Variants in COPE observed in about 807,000 individuals in gnomAD.
The protein encoded by COPE is coatomer subunit epsilon.
Under a neutral mutation model 42.1 loss-of-function variants are expected in COPE, and 19 were observed. That is an observed-to-expected ratio of 0.45 (90% CI 0.31 to 0.66). The LOEUF (loss-of-function observed/expected upper bound fraction) is 0.66. Among genes scored for constraint, COPE ranks in the 30% least tolerant of loss-of-function variants. The pLI is 0.05. For synonymous variants in COPE, 195 were observed against 181.3 expected (o/e 1.08, Z -0.60); for missense variants, 402 against 416.1 (o/e 0.97, Z 0.30).
intron 2 of COPE, among the ~76,000 whole-genome samples, chr19:18,912,321 AT>A (rs897286007): frequency 4.2e-4 from 63 of 150,432 alleles, no homozygotes; most frequent in African/African-American, 1.5e-3. Context: ...TTATTTTTTA[AT>A]TTTTTTTTGT....
At chr19:18,908,603 G>A (rs1411822662) in intron 3 of COPE, among the ~76,000 whole-genome samples, 3 of 149,306 alleles carry the variant, frequency 2.0e-5, no homozygotes, top group Non-Finnish European at 4.4e-5. Flanking sequence ...TGCAAGCTCC[G>A]CCTCCCGGGT....
Position 18,899,673 on chromosome 19 carries a change from C to A in COPE, c.*6G>T. On this transcript the variant is annotated 3_prime_UTR_variant, in exon 10 of 10. Transcript: ENST00000262812. Reference sequence around the variant, plus strand: ...GCTTCATGGTCCTGACAGCTCTGGGCCAGCCTCAGGCGCTGGGAGCGTACT... The same window carrying A: ...GCTTCATGGTCCTGACAGCTCTGGGACAGCCTCAGGCGCTGGGAGCGTACT... 1 of 1,613,442 alleles carries A rather than the reference C, an allele frequency of 6.2e-7. No homozygotes were observed. The highest frequency in any genetic ancestry group is 8.5e-7 in the Non-Finnish European group (1 of 1,179,958).
intron 5 of COPE, among the ~76,000 whole-genome samples, chr19:18,905,255 G>A (rs2056747828): frequency 1.3e-5 from 2 of 152,186 alleles, no homozygotes; most frequent in African/African-American, 4.8e-5. Context: ...GGCCCCGCCA[G>A]CCCCACGGCA....
chr19:18,919,297 C>T lies in COPE; in HGVS notation c.52G>A (p.Glu18Lys), dbSNP rs753714578. The T allele has an allele frequency of 6.2e-7, 1 of 1,613,896 alleles. No individual in the cohort carries two copies. ...AAGGCGTTCTTTACGTCGAACAGCTCGTCTACCTCCCCGGAGCCGCCGGAG... is the reference window on the plus strand; with the variant it reads ...AAGGCGTTCTTTACGTCGAACAGCTTGTCTACCTCCCCGGAGCCGCCGGAG... ...PASGGSGEVDELFDVKNAFYI... is the reference protein window; with the variant it reads ...PASGGSGEVDKLFDVKNAFYI... The change falls in exon 1 of 10, where the codon GAG (glutamate) becomes AAG (lysine). Residue 18 changes from glutamate to lysine, a missense_variant. By Grantham distance (56) the Glu-to-Lys change is moderately conservative. Transcript: ENST00000262812.
chr19:18,904,108 G>A (rs887661907), intron 6 of COPE, among the ~76,000 whole-genome samples: 1 of 152,370 alleles, frequency 6.6e-6, no homozygotes, highest in African/African-American at 2.4e-5. Flanking sequence ...TGGGTTTACA[G>A]GTGCATGGCA....
chr19:18,911,245 C>A, intron 2 of COPE, 174 bp from the exon 3 acceptor site: 1 of 619,388 alleles, frequency 1.6e-6, no homozygotes, highest in Non-Finnish European at 2.9e-6. Context: ...CGTCACCTGT[C>A]GTGAGCAGCC....
rs2056731198 is a variant in COPE, at chr19:18,903,712, C to T, written c.580-289G>A. 3.9e-5 allele frequency among the ~76,000 whole-genome samples: 6 copies of T among 152,226 alleles called. No individual in the cohort carries two copies. The South Asian group carries it at 1.2e-3, about 32-fold the overall frequency. Reference sequence around the variant, plus strand: ...AAGGCCTCAGTGCACAGGTGGCTGGCTCAGGGTCTGAGTGGGGACCACTGG... The same window carrying T: ...AAGGCCTCAGTGCACAGGTGGCTGGTTCAGGGTCTGAGTGGGGACCACTGG... On this transcript the variant is annotated intron_variant, in intron 6 of 9. Transcript: ENST00000262812.
intron 3 of COPE, chr19:18,910,705 G>C (rs1438380482): frequency 3.8e-6 from 2 of 530,370 alleles, no homozygotes; most frequent in African/African-American, 1.9e-5. Context: ...TCTAGGTTCA[G>C]AGAGTGCCTT....
intron 3 of COPE, chr19:18,910,548 G>A (rs2056799723): frequency 1.1e-5 from 2 of 183,680 alleles, no homozygotes; most frequent in South Asian, 1.1e-4. Context: ...TCTCACCACT[G>A]CAACTCCAGC....
intron 2 of COPE, 36 bp downstream of exon 2, chr19:18,912,941 ACTCTGTT>A: frequency 6.3e-7 from 1 of 1,597,898 alleles, no homozygotes; most frequent in Non-Finnish European, 8.5e-7. Context: ...CCCACCCTCT[ACTCTGTT>A]CATCACTCTT....
chr19:18,905,794 C>CGCTCA (rs1001006293), intron 4 of COPE, 165 bp from the exon 5 acceptor site: 2 of 646,044 alleles, frequency 3.1e-6, no homozygotes, highest in African/African-American at 3.8e-5. Flanking sequence ...CACATTTCAC[C>CGCTCA]GCTCAGCTTC....
chr19:18,912,314 T>A (rs2056817827), intron 2 of COPE, among the ~76,000 whole-genome samples: 1 of 152,102 alleles, frequency 6.6e-6, no homozygotes, highest in Non-Finnish European at 1.5e-5. Context: ...GACTGTCTTA[T>A]TTTTTAATTT....
chr19:18,902,748 AAAGGAAGGAAGGAAGGAAGGGAAAGAAGG>A (rs2056714958), intron 7 of COPE, among the ~76,000 whole-genome samples: 1 of 51,928 alleles, frequency 1.9e-5, no homozygotes, highest in Admixed American at 2.1e-4. Flanking sequence ...GAAAGGAAGG[AAAGGAAGGAAGGAAGGAAGGGAAAGAAGG>A]AAGGAAGGAA....
Position 18,899,628 on chromosome 19 carries a change from G to A in COPE, c.*51C>T. 1 of 1,607,926 alleles carries A rather than the reference G, an allele frequency of 6.2e-7. No individual in the cohort carries two copies. Among genetic ancestry groups the A allele is most frequent in the East Asian group, 2.2e-5 (1 of 44,818 alleles). ...GCCGGGTGGGGAGGGCTGCAGGGCT[G>A]GCTCCTGGCCTCTGTCCTGGCTTCA... is the stretch of plus-strand genomic sequence containing the variant. On this transcript the variant is annotated 3_prime_UTR_variant, in exon 10 of 10. Transcript: ENST00000262812.
chr19:18,906,753 T>A, intron 4 of COPE: 1 of 548,730 alleles, frequency 1.8e-6, no homozygotes, highest in Non-Finnish European at 3.1e-6. Context: ...GGGCACCGTG[T>A]CCTTGGATCT....
chr19:18,911,226 G>A (rs149677557), intron 2 of COPE, 155 bp from the exon 3 acceptor site: 978 of 654,220 alleles, frequency 1.5e-3, no homozygotes, highest in Admixed American at 2.3e-3. Flanking sequence ...ACTGTGGAGG[G>A]TGGCATGGCG....
intron 1 of COPE, among the ~76,000 whole-genome samples, chr19:18,915,662 A>G (rs2056848112): frequency 6.6e-6 from 1 of 152,202 alleles, no homozygotes; most frequent in Non-Finnish European, 1.5e-5. Flanking sequence ...AGATGTGGCC[A>G]TGGTTGAGGA....
Position 18,899,761 on chromosome 19 carries a change from C to T in COPE, c.880-35G>A, listed in dbSNP as rs1207431890. ...GACACATGGCAACACAGGGTGGGGG[C>T]AGGGTGTGGGGAGACAGGTGGAGGG... is the stretch of plus-strand genomic sequence containing the variant. On this transcript the variant is annotated intron_variant, in intron 9 of 9. Transcript: ENST00000262812. 4 of 1,612,970 alleles carry T rather than the reference C, an allele frequency of 2.5e-6. No homozygotes were observed. In the South Asian group the frequency reaches 4.4e-5, roughly 18 times the overall value.
In COPE at chr19:18,919,294, G is replaced by A. The variant is rs1309538512; in HGVS notation, c.55C>T (p.Leu19=). 4 of 1,613,838 alleles carry A rather than the reference G, an allele frequency of 2.5e-6. No homozygotes were observed. The African/African-American group carries it at 5.3e-5, about 22-fold the overall frequency. The change falls in exon 1 of 10, where the codon CTG becomes TTG. Residue 19 remains leucine (L), a synonymous_variant. Coordinates refer to ENST00000262812, the MANE Select transcript of COPE (RefSeq NM_007263.4). Reference sequence around the variant, plus strand: ...TAGAAGGCGTTCTTTACGTCGAACAGCTCGTCTACCTCCCCGGAGCCGCCG... The same window carrying A: ...TAGAAGGCGTTCTTTACGTCGAACAACTCGTCTACCTCCCCGGAGCCGCCG... The part of the protein sequence containing the change: ...ASGGSGEVDE[L]FDVKNAFYIG...
Sources: gnomAD v4.1 joint callset for allele counts (sites outside exome capture counted in the v4.1 genomes callset) on GRCh38, gnomAD v4.1.1 for gene constraint, MANE v1.5 for transcripts, NCBI Gene and HGNC (gene_info 2026-07-23, HGNC 2026-07-21) for gene names.